The following DENND1A variants were observed in gnomAD, a reference collection of about 807,000 sequenced individuals.
DENND1A encodes DENN domain containing 1A, also known as DENN domain-containing protein 1A.
DENND1A carries 51 observed loss-of-function variants against 113.7 expected under a neutral mutation model. The observed-to-expected ratio is 0.45, with a 90% CI of 0.36 to 0.57. The LOEUF is 0.57. Ranked by LOEUF, DENND1A falls within the 20% of genes least tolerant of loss-of-function variation. The probability of loss-of-function intolerance (pLI) is 0.00; values close to 1 mark genes in which losing one functional copy is unlikely to be tolerated. For missense variants in DENND1A, 1,258 were observed against 1,395.9 expected, an observed-to-expected ratio of 0.90 and a Z score of 1.57; for synonymous variants, 565 against 570.8, an observed-to-expected ratio of 0.99 and a Z score of 0.14.
intron 5 of DENND1A, among the ~76,000 whole-genome samples, chr9:123,737,911 T>A (rs985786276): frequency 6.6e-6 from 1 of 152,238 alleles, no homozygotes; most frequent in Admixed American, 6.5e-5. Context: ...AGCCATTTTC[T>A]AACCCCAAAA....
intron 2 of DENND1A, among the ~76,000 whole-genome samples, chr9:123,877,989 T>C (rs1360793469): frequency 6.6e-6 from 1 of 152,044 alleles, no homozygotes; most frequent in Non-Finnish European, 1.5e-5. Context: ...TTTGTTCATA[T>C]TAACAAATGC....
chr9:123,678,812 T>C (rs919968519), intron 5 of DENND1A, among the ~76,000 whole-genome samples: 6 of 152,242 alleles, frequency 3.9e-5, no homozygotes, highest in Admixed American at 2.0e-4. Flanking sequence ...GACTATTACA[T>C]AGCAAATGAC....
intron 5 of DENND1A, among the ~76,000 whole-genome samples, chr9:123,698,409 C>T (rs968306536): frequency 6.6e-6 from 1 of 152,144 alleles, no homozygotes; most frequent in Non-Finnish European, 1.5e-5. Context: ...AGTACTGCCC[C>T]CTTAGTGACA....
chr9:123,688,532 G>A (rs956229408), intron 5 of DENND1A, among the ~76,000 whole-genome samples: 1 of 152,120 alleles, frequency 6.6e-6, no homozygotes, highest in African/African-American at 2.4e-5. Flanking sequence ...TCTGATAGAG[G>A]CAACAGGCGC....
rs141364749 is a variant in DENND1A at position 123,649,293 on chromosome 9, T to C, written c.618+2720A>G. ...AGTTTTCCCATTTAATATGTCAATA[T>C]GTAAGTTATATTAATAGATTTTCTA... is the stretch of plus-strand genomic sequence containing the variant. On this transcript the variant is annotated intron_variant, in intron 9 of 23. Transcript: ENST00000394215. Among the ~76,000 whole-genome samples, 475 of 152,356 alleles carry C rather than the reference T, an allele frequency of 3.1e-3. 6 individuals are homozygous for C. Among genetic ancestry groups the C allele is most frequent in the South Asian group, 7.2e-3 (35 of 4,830 alleles).
intron 19 of DENND1A, among the ~76,000 whole-genome samples, chr9:123,423,744 T>C (rs1242766049): frequency 1.3e-5 from 2 of 152,276 alleles, no homozygotes; most frequent in East Asian, 3.9e-4. Flanking sequence ...CCAGCCCTGA[T>C]GCACCAAGAT....
rs753693145 is a variant in DENND1A at position 123,875,104 on chromosome 9, T to C, written c.88+3847A>G. ...ACACGGAAGACCCTTTCAAACATAA[T>C]TGAGCAAAAAAGCAGCAGAGCTACA... is the stretch of plus-strand genomic sequence containing the variant. On this transcript the variant is annotated intron_variant, in intron 2 of 23. Transcript: ENST00000394215. 3.3e-5 allele frequency among the ~76,000 whole-genome samples: 5 copies of C among 152,116 alleles called. No individual in the cohort carries two copies. In the South Asian group the frequency reaches 8.3e-4, roughly 25 times the overall value.
At chr9:123,801,128 C>T (rs531440215) in intron 2 of DENND1A, among the ~76,000 whole-genome samples, 8 of 152,332 alleles carry the variant, frequency 5.3e-5, no homozygotes, top group African/African-American at 1.7e-4. Flanking sequence ...AGAAGCAGTG[C>T]CTATGTCCTT....
chr9:123,412,760 G>C (rs2044410481), intron 19 of DENND1A, among the ~76,000 whole-genome samples: 1 of 152,208 alleles, frequency 6.6e-6, no homozygotes, highest in Non-Finnish European at 1.5e-5. Flanking sequence ...ATTCACGCGA[G>C]ACCCAGGCCG....
intron 11 of DENND1A, among the ~76,000 whole-genome samples, chr9:123,603,230 A>G (rs2060007998): frequency 6.6e-6 from 1 of 152,262 alleles, no homozygotes; most frequent in East Asian, 1.9e-4. Flanking sequence ...AAACTAGTTA[A>G]AATAGTGCCA....
At chr9:123,453,021 A>T (rs2047848955) in intron 16 of DENND1A, among the ~76,000 whole-genome samples, 1 of 152,188 alleles carries the variant, frequency 6.6e-6, no homozygotes, top group South Asian at 2.1e-4. Context: ...AGGAAGGAGG[A>T]GGGAAGGCCT....
At chr9:123,440,168 C>T in intron 19 of DENND1A, 192 bp downstream of exon 19, 1 of 641,466 alleles carries the variant, frequency 1.6e-6, no homozygotes, top group Non-Finnish European at 2.5e-6. Context: ...GTGCTGTCTC[C>T]TCAAAATTTT....
intron 19 of DENND1A, among the ~76,000 whole-genome samples, chr9:123,435,391 T>C (rs1322117057): frequency 1.3e-5 from 2 of 152,174 alleles, no homozygotes; most frequent in Non-Finnish European, 2.9e-5. Context: ...TCCCAAGAGC[T>C]GTTCCTGGGG....
chr9:123,765,830 T>G (rs1487580629), intron 4 of DENND1A, among the ~76,000 whole-genome samples: 3 of 152,126 alleles, frequency 2.0e-5, no homozygotes, highest in African/African-American at 7.2e-5. Context: ...CTACTCCCTC[T>G]CACCAACAGC....
At chr9:123,544,959 G>A (rs915711173) in intron 13 of DENND1A, among the ~76,000 whole-genome samples, 4 of 152,122 alleles carry the variant, frequency 2.6e-5, no homozygotes, top group Admixed American at 1.3e-4. Context: ...TTAGCCGGTC[G>A]TGGTGGCGGG....
At chr9:123,443,277 G>T (rs60375641) in intron 18 of DENND1A, among the ~76,000 whole-genome samples, 2 of 152,108 alleles carry the variant, frequency 1.3e-5, no homozygotes, top group Non-Finnish European at 2.9e-5. Flanking sequence ...TCTTCTCCTC[G>T]GAAGCTCCTG....
chr9:123,649,196 A>T (rs947785497), intron 9 of DENND1A, among the ~76,000 whole-genome samples: 3 of 152,218 alleles, frequency 2.0e-5, no homozygotes, highest in African/African-American at 7.2e-5. Context: ...ATGAAATAAC[A>T]TCTTCAAGAT....
At chr9:123,721,628 G>A (rs554410280) in intron 5 of DENND1A, among the ~76,000 whole-genome samples, 12 of 152,246 alleles carry the variant, frequency 7.9e-5, no homozygotes, top group Middle Eastern at 3.4e-3. Context: ...AATCATGGGG[G>A]CAGGTCTTTC....
At chr9:123,445,465 G>A (rs1051378496) in intron 18 of DENND1A, among the ~76,000 whole-genome samples, 2 of 152,228 alleles carry the variant, frequency 1.3e-5, no homozygotes, top group East Asian at 3.8e-4. Context: ...AGATTCCCCT[G>A]GTGGTTGTAT....
Sources: gnomAD v4.1 joint callset for allele counts (sites outside exome capture counted in the v4.1 genomes callset) on GRCh38, gnomAD v4.1.1 for gene constraint, MANE v1.5 for transcripts, NCBI Gene and HGNC (gene_info 2026-07-23, HGNC 2026-07-21) for gene names.